The following PARD3 variants were observed in gnomAD, a reference collection of about 807,000 sequenced individuals.
PARD3 encodes partitioning defective 3 homolog.
Under a neutral mutation model 155.4 loss-of-function variants are expected in PARD3, and 75 were observed. That is an observed-to-expected ratio of 0.48 (90% CI 0.40 to 0.58). The LOEUF (loss-of-function observed/expected upper bound fraction) is 0.58, where lower values mean the gene tolerates loss of function less well. PARD3 is among the 20% of genes least tolerant of loss of function. The pLI is 0.00. For missense variants in PARD3, 1,642 were observed against 1,721.7 expected (o/e 0.95, Z 0.82); for synonymous variants, 576 against 610.5 (o/e 0.94, Z 0.83).
At chr10:34,429,643 T>C (rs2075803980) in intron 5 of PARD3, among the ~76,000 whole-genome samples, 1 of 152,116 alleles carries the variant, frequency 6.6e-6, no homozygotes, top group Admixed American at 6.5e-5. Context: ...TGGAGTGCAA[T>C]GATGTGATCT....
chr10:34,805,532 CACGTATGTGCATAT>C (rs1843258991), intron 1 of PARD3, among the ~76,000 whole-genome samples: 1 of 126,352 alleles, frequency 7.9e-6, no homozygotes, highest in Non-Finnish European at 1.8e-5. Context: ...CAGAAATACA[CACGTATGTGCATAT>C]ATATATATAT....
chr10:34,596,601 C>T (rs1685165667), intron 2 of PARD3, among the ~76,000 whole-genome samples: 1 of 152,146 alleles, frequency 6.6e-6, no homozygotes, highest in Admixed American at 6.5e-5. Context: ...GATCTCATCA[C>T]CCTCCACGAG....
chr10:34,129,700 C>CTTTTTTTTTTTTTTTTT (rs1209547388), intron 23 of PARD3, among the ~76,000 whole-genome samples: 1 of 82,986 alleles, frequency 1.2e-5, no homozygotes, highest in African/African-American at 4.6e-5. Context: ...TGTCAAGCCT[C>CTTTTTTTTTTTTTTTTT]TTTTTTTTTT....
chr10:34,583,548 G>A (rs1228420292), intron 2 of PARD3, among the ~76,000 whole-genome samples: 1 of 151,664 alleles, frequency 6.6e-6, no homozygotes, highest in Non-Finnish European at 1.5e-5. Flanking sequence ...ATTTACCTCT[G>A]CCTTCTTTAA....
chr10:34,734,461 T>C (rs1190534757), intron 1 of PARD3, among the ~76,000 whole-genome samples: 1 of 150,514 alleles, frequency 6.6e-6, no homozygotes, highest in Non-Finnish European at 1.5e-5. Flanking sequence ...TCAGCCTCCA[T>C]AGTAGCTGGG....
intron 7 of PARD3, among the ~76,000 whole-genome samples, chr10:34,388,079 G>C (rs2132054408): frequency 6.6e-6 from 1 of 152,302 alleles, no homozygotes; most frequent in South Asian, 2.1e-4. Context: ...CAAGAGACCT[G>C]ATGGGGGGCT....
intron 2 of PARD3, among the ~76,000 whole-genome samples, chr10:34,555,226 T>C (rs1018649333): frequency 2.0e-5 from 3 of 152,162 alleles, no homozygotes; most frequent in African/African-American, 7.2e-5. Flanking sequence ...GAAAGGGATA[T>C]AAGGACATTT....
intron 22 of PARD3, among the ~76,000 whole-genome samples, chr10:34,225,260 G>A (rs758253416): frequency 3.3e-5 from 5 of 152,086 alleles, no homozygotes; most frequent in Admixed American, 3.3e-4. Context: ...GAGAGGACAC[G>A]GAAAGTACCA....
intron 2 of PARD3, among the ~76,000 whole-genome samples, chr10:34,532,674 T>C (rs1029614823): frequency 6.6e-6 from 1 of 152,228 alleles, no homozygotes; most frequent in African/African-American, 2.4e-5. Context: ...AAAAGTACAT[T>C]TTCTAACATT....
chr10:34,351,856 A>ATAC (rs10642145), intron 14 of PARD3, among the ~76,000 whole-genome samples: 6,351 of 152,356 alleles, frequency 0.042, 433 homozygotes, highest in African/African-American at 0.15. Flanking sequence ...TTGGCCTTGC[A>ATAC]GCCATTAAAG....
chr10:34,670,626 G>A (rs1208488812), intron 2 of PARD3, among the ~76,000 whole-genome samples: 1 of 152,138 alleles, frequency 6.6e-6, no homozygotes, highest in East Asian at 1.9e-4. Flanking sequence ...TCTATGGGGT[G>A]GGATGTATGA....
intron 21 of PARD3, among the ~76,000 whole-genome samples, chr10:34,272,753 A>C (rs1370430673): frequency 1.3e-5 from 2 of 152,136 alleles, no homozygotes; most frequent in Non-Finnish European, 2.9e-5. Context: ...AACAAACAAA[A>C]AAACAAACAA....
intron 3 of PARD3, among the ~76,000 whole-genome samples, chr10:34,484,917 C>T (rs2079343204): frequency 6.6e-6 from 1 of 152,224 alleles, no homozygotes; most frequent in Non-Finnish European, 1.5e-5. Context: ...TTGTGTTTGC[C>T]ATGCTGCCCT....
At chr10:34,452,232 C>T (rs952679199) in intron 4 of PARD3, among the ~76,000 whole-genome samples, 4 of 152,060 alleles carry the variant, frequency 2.6e-5, no homozygotes, top group African/African-American at 9.7e-5. Flanking sequence ...GAATAATTAA[C>T]CCAAAAGTAT....
At chr10:34,785,067 T>C (rs749139299) in intron 1 of PARD3, among the ~76,000 whole-genome samples, 1 of 152,250 alleles carries the variant, frequency 6.6e-6, no homozygotes, top group Non-Finnish European at 1.5e-5. Flanking sequence ...TTACTTAATA[T>C]ATGTGCTGCA....
intron 2 of PARD3, among the ~76,000 whole-genome samples, chr10:34,592,701 G>A (rs1038641026): frequency 2.0e-5 from 3 of 152,164 alleles, no homozygotes; most frequent in Non-Finnish European, 4.4e-5. Flanking sequence ...GCTTGAACCC[G>A]GAGTTGGAGG....
intron 22 of PARD3, among the ~76,000 whole-genome samples, chr10:34,168,600 ACT>A (rs1449309093): frequency 6.6e-6 from 1 of 152,050 alleles, no homozygotes; most frequent in African/African-American, 2.4e-5. Flanking sequence ...GAGGAGCTGC[ACT>A]CTGATATGTC....
chr10:34,654,733 C>G (rs2093117002), intron 2 of PARD3, among the ~76,000 whole-genome samples: 1 of 152,154 alleles, frequency 6.6e-6, no homozygotes, highest in African/African-American at 2.4e-5. Flanking sequence ...CAGCTCCTCC[C>G]AAGTCACTCT....
At chr10:34,244,781 C>A (rs779751600) in intron 22 of PARD3, among the ~76,000 whole-genome samples, 2 of 152,188 alleles carry the variant, frequency 1.3e-5, no homozygotes, top group Non-Finnish European at 2.9e-5. Flanking sequence ...TTGAAGTCAT[C>A]ATTTTTCATT....
Sources: gnomAD v4.1 joint callset for allele counts (sites outside exome capture counted in the v4.1 genomes callset) on GRCh38, gnomAD v4.1.1 for gene constraint, MANE v1.5 for transcripts, NCBI Gene and HGNC (gene_info 2026-07-23, HGNC 2026-07-21) for gene names.